NUBPL: variants seen among roughly 807,000 people sequenced by gnomAD.
NUBPL encodes the protein iron-sulfur cluster transfer protein NUBPL.
In NUBPL, 31 loss-of-function variants were observed where a neutral mutation model predicts 45.7. The observed-to-expected ratio is 0.68, with a 90% CI of 0.51 to 0.92. NUBPL has a LOEUF of 0.92. Among genes scored for constraint, NUBPL ranks in the 40% least tolerant of loss-of-function variants. NUBPL has a pLI of 0.00. For synonymous variants in NUBPL, 144 were observed against 140.9 expected, an observed-to-expected ratio of 1.02 and a Z score of -0.15; for missense variants, 401 against 398.7, an observed-to-expected ratio of 1.01 and a Z score of -0.05.
chr14:31,712,856 T>G (rs1345269617), intron 6 of NUBPL, among the ~76,000 whole-genome samples: 1 of 152,054 alleles, frequency 6.6e-6, no homozygotes, highest in Non-Finnish European at 1.5e-5. Flanking sequence ...CCAACTAAAA[T>G]TGGGGGTTTA....
At chr14:31,786,946 T>A (rs1296972964) in intron 6 of NUBPL, among the ~76,000 whole-genome samples, 1 of 152,230 alleles carries the variant, frequency 6.6e-6, no homozygotes, top group East Asian at 1.9e-4. Flanking sequence ...AGAGGCTGGT[T>A]GGGAGGCTTT....
intron 6 of NUBPL, among the ~76,000 whole-genome samples, chr14:31,737,693 A>G (rs1206476951): frequency 6.6e-6 from 1 of 152,196 alleles, no homozygotes; most frequent in Non-Finnish European, 1.5e-5. Flanking sequence ...CTGAGGCACA[A>G]GAATCGCTTG....
At chr14:31,752,551 G>T (rs1371889585) in intron 6 of NUBPL, among the ~76,000 whole-genome samples, 1 of 152,144 alleles carries the variant, frequency 6.6e-6, no homozygotes, top group African/African-American at 2.4e-5. Context: ...TCTTAGCCTG[G>T]ACTTCATTGT....
intron 4 of NUBPL, among the ~76,000 whole-genome samples, chr14:31,662,574 G>T (rs76149434): frequency 6.6e-6 from 1 of 151,962 alleles, no homozygotes; most frequent in Admixed American, 6.6e-5. Flanking sequence ...TGCGGTGTTT[G>T]GTGTTTTTGT....
At chr14:31,587,915 A>G (rs977735400) in intron 3 of NUBPL, among the ~76,000 whole-genome samples, 1 of 152,158 alleles carries the variant, frequency 6.6e-6, no homozygotes, top group East Asian at 1.9e-4. Context: ...AATAATTAGA[A>G]TGTTATTTTT....
At chr14:31,699,801 G>A (rs2037292529) in intron 6 of NUBPL, among the ~76,000 whole-genome samples, 1 of 152,118 alleles carries the variant, frequency 6.6e-6, no homozygotes, top group Admixed American at 6.5e-5. Flanking sequence ...ATGGAGACCT[G>A]TTATAAAGTC....
At chr14:31,794,998 C>G (rs1460568553) in intron 7 of NUBPL, among the ~76,000 whole-genome samples, 2 of 141,164 alleles carry the variant, frequency 1.4e-5, no homozygotes, top group African/African-American at 2.7e-5. Flanking sequence ...AATCCTTTCC[C>G]CATTGCTTGT....
chr14:31,670,289 G>A (rs1045523938), intron 4 of NUBPL, among the ~76,000 whole-genome samples: 1 of 152,110 alleles, frequency 6.6e-6, no homozygotes, highest in Non-Finnish European at 1.5e-5. Context: ...CTTTTGAGAA[G>A]TGTCTTTTCA....
At chr14:31,621,078 A>T (rs1021710954) in intron 4 of NUBPL, among the ~76,000 whole-genome samples, 1 of 152,148 alleles carries the variant, frequency 6.6e-6, no homozygotes, top group Non-Finnish European at 1.5e-5. Context: ...CTTTGTTTAC[A>T]CTGTGAGGGT....
chr14:31,565,403 C>A (rs898399075), intron 3 of NUBPL, among the ~76,000 whole-genome samples: 1 of 151,968 alleles, frequency 6.6e-6, no homozygotes, highest in Non-Finnish European at 1.5e-5. Context: ...TAGTGTATAT[C>A]CATTAAAACA....
Position 31,860,903 on chromosome 14 carries a change from G to T in NUBPL, c.*1723G>T, listed in dbSNP as rs140399534. ...AATTTAAAAAGGTTTTGTACCAAAA[G>T]ATTCCATTTATATAACGTTCTTGAA... On this transcript the variant is annotated 3_prime_UTR_variant, in exon 11 of 11. Coordinates refer to ENST00000281081, the MANE Select transcript of NUBPL (RefSeq NM_025152.3). 6.6e-6 allele frequency: 1 copy of T among 152,312 alleles called. No homozygotes were observed. The highest frequency in any genetic ancestry group is 1.5e-5 in the Non-Finnish European group (1 of 68,040). 9.4% of individuals were successfully genotyped at this position (152,312 alleles called of 1,614,324 possible). A position where few individuals can be genotyped will look rare whatever the true frequency, so the allele number is the denominator to read the frequency against.
chr14:31,778,659 A>G (rs996351359), intron 6 of NUBPL, among the ~76,000 whole-genome samples: 1 of 152,246 alleles, frequency 6.6e-6, no homozygotes, highest in African/African-American at 2.4e-5. Context: ...GCTGTGACCT[A>G]TCAAGAAGAA....
intron 6 of NUBPL, among the ~76,000 whole-genome samples, chr14:31,689,879 G>A (rs150274383): frequency 1.2e-3 from 178 of 151,296 alleles, no homozygotes; most frequent in African/African-American, 4.1e-3. Context: ...TTCTGCATAT[G>A]GCTAGCCAGT....
chr14:31,754,609 TTTTCTA>T (rs2038611127), intron 6 of NUBPL, among the ~76,000 whole-genome samples: 2 of 123,680 alleles, frequency 1.6e-5, no homozygotes, highest in African/African-American at 6.7e-5. Context: ...TTTTTTTTTT[TTTTCTA>T]TTTGAGATCT....
At chr14:31,592,030 G>A (rs2034155484) in intron 3 of NUBPL, among the ~76,000 whole-genome samples, 2 of 152,298 alleles carry the variant, frequency 1.3e-5, no homozygotes, top group Non-Finnish European at 1.5e-5. Context: ...AGGAGGGGTA[G>A]TGCTTAAGGA....
chr14:31,809,723 A>G (rs1007912495), intron 7 of NUBPL, among the ~76,000 whole-genome samples: 3 of 152,126 alleles, frequency 2.0e-5, no homozygotes, highest in African/African-American at 4.8e-5. Context: ...TGTCAATTTT[A>G]GATCTTCCCT....
chr14:31,793,063 C>G (rs925964327), intron 7 of NUBPL, among the ~76,000 whole-genome samples: 5 of 152,168 alleles, frequency 3.3e-5, no homozygotes, highest in Non-Finnish European at 5.9e-5. Flanking sequence ...GACTTTAGAA[C>G]TCTTTTAAGA....
chr14:31,721,025 T>C (rs574408680), intron 6 of NUBPL, among the ~76,000 whole-genome samples: 2 of 152,328 alleles, frequency 1.3e-5, no homozygotes, highest in Admixed American at 6.5e-5. Context: ...TGTAGTTCTA[T>C]TTCAAGATGC....
At chr14:31,848,267 G>T (rs2138998005) in intron 9 of NUBPL, among the ~76,000 whole-genome samples, 1 of 152,268 alleles carries the variant, frequency 6.6e-6, no homozygotes, top group South Asian at 2.1e-4. Flanking sequence ...GTAGTCATGG[G>T]TCCCATGGTG....
Sources: gnomAD v4.1 joint callset for allele counts (sites outside exome capture counted in the v4.1 genomes callset) on GRCh38, gnomAD v4.1.1 for gene constraint, MANE v1.5 for transcripts, NCBI Gene and HGNC (gene_info 2026-07-23, HGNC 2026-07-21) for gene names.